Variants in DLGAP2 observed in about 807,000 individuals in gnomAD.
DLGAP2 encodes the protein disks large-associated protein 2.
DLGAP2 carries 26 observed loss-of-function variants against 100.3 expected under a neutral mutation model. That is an observed-to-expected ratio of 0.26 (90% CI 0.19 to 0.36). DLGAP2 has a LOEUF of 0.36. DLGAP2 is among the 10% of genes least tolerant of loss of function. The pLI, the probability that DLGAP2 is intolerant of heterozygous loss-of-function variation, is 1.00. For synonymous variants in DLGAP2, 886 were observed against 630.1 expected (o/e 1.41, Z -6.08); for missense variants, 1,858 against 1,453.2 (o/e 1.28, Z -4.53).
chr8:1,267,629 T>A lies in DLGAP2; in HGVS notation c.106+8746T>A, dbSNP rs55732464. 3.8e-3 allele frequency among the ~76,000 whole-genome samples: 65 copies of A among 17,280 alleles called. 9 individuals carry two copies. The highest frequency in any genetic ancestry group is 0.023 in the African/African-American group (60 of 2,608). The allele number at this position is 17,280 out of a possible 152,430, so 11.3% of individuals were successfully genotyped here. Reference sequence around the variant, plus strand: ...AAGATAAGATAAGATAAGATAAATATTAAATAGGTCTACAAAAAGGCCTCC... The same window carrying A: ...AAGATAAGATAAGATAAGATAAATAATAAATAGGTCTACAAAAAGGCCTCC... On this transcript the variant is annotated intron_variant, in intron 3 of 14. Transcript: ENST00000637795.
At chr8:1,494,204 C>G (rs180760393) in intron 3 of DLGAP2, among the ~76,000 whole-genome samples, 105 of 152,346 alleles carry the variant, frequency 6.9e-4, no homozygotes, top group Admixed American at 3.7e-3. Flanking sequence ...GAAATCCAGT[C>G]TTTTCTTATG....
chr8:1,533,734 A>C (rs1324540243), intron 4 of DLGAP2, among the ~76,000 whole-genome samples: 1 of 152,194 alleles, frequency 6.6e-6, no homozygotes, highest in East Asian at 1.9e-4. Flanking sequence ...GAAGGTCATC[A>C]ATAGTACCTT....
chr8:1,257,376 C>A (rs1400289763), intron 2 of DLGAP2, among the ~76,000 whole-genome samples: 2 of 152,018 alleles, frequency 1.3e-5, no homozygotes, highest in Non-Finnish European at 1.5e-5. Context: ...CCTCAACTCC[C>A]TTTTTAATGT....
At chr8:800,309 T>G (rs778723390) in intron 1 of DLGAP2, among the ~76,000 whole-genome samples, 5 of 152,226 alleles carry the variant, frequency 3.3e-5, no homozygotes, top group Non-Finnish European at 5.9e-5. Context: ...AGAGGGCAAA[T>G]GCTGGAGAGG....
At chr8:765,792 G>GACACACACACACGCGATGAT (rs1554558138) in intron 1 of DLGAP2, among the ~76,000 whole-genome samples, 1 of 151,918 alleles carries the variant, frequency 6.6e-6, no homozygotes, top group Non-Finnish European at 1.5e-5. Flanking sequence ...CATGTACACA[G>GACACACACACACGCGATGAT]ACACACACAC....
At chr8:1,682,662 T>C (rs1297440952) in intron 12 of DLGAP2, among the ~76,000 whole-genome samples, 5 of 151,336 alleles carry the variant, frequency 3.3e-5, no homozygotes, top group Admixed American at 1.3e-4. Flanking sequence ...TTAGTAGAGA[T>C]GGAGTTTCAC....
chr8:1,177,799 G>C (rs1485937632), intron 2 of DLGAP2, among the ~76,000 whole-genome samples: 2 of 152,210 alleles, frequency 1.3e-5, no homozygotes, highest in Non-Finnish European at 1.5e-5. Context: ...CAGGGTACAA[G>C]GGGTGAGGGA....
intron 3 of DLGAP2, among the ~76,000 whole-genome samples, chr8:1,293,612 A>T (rs905538593): frequency 4.6e-5 from 7 of 152,156 alleles, no homozygotes; most frequent in Non-Finnish European, 7.3e-5. Context: ...AGCCTCAGCC[A>T]TTAACCTCCA....
intron 8 of DLGAP2, among the ~76,000 whole-genome samples, chr8:1,637,878 C>G (rs1797805300): frequency 6.6e-6 from 1 of 152,178 alleles, no homozygotes; most frequent in African/African-American, 2.4e-5. Context: ...AAAGCCAGCA[C>G]TGCAGCAGCG....
chr8:1,526,375 G>T (rs1800793086), intron 4 of DLGAP2, among the ~76,000 whole-genome samples: 1 of 151,998 alleles, frequency 6.6e-6, no homozygotes, highest in Admixed American at 6.6e-5. Flanking sequence ...AGGAATTGGG[G>T]GCTCAGAGGG....
At position 1,088,277 on chromosome 8, in the gene DLGAP2, T is replaced by C. The variant is rs1418382811; in HGVS notation, c.74-170574T>C. ...TCATTAATGGACTTTAGAGCTACCA[T>C]GAAGAGTTGTTCCATATCCGTCTGT... On this transcript the variant is annotated intron_variant, in intron 2 of 14. Coordinates refer to ENST00000637795, the MANE Select transcript of DLGAP2 (RefSeq NM_001346810.2). 4.6e-5 allele frequency among the ~76,000 whole-genome samples: 7 copies of C among 152,140 alleles called. No individual in the cohort carries two copies. In the East Asian group the frequency reaches 7.7e-4, roughly 17 times the overall value.
intron 2 of DLGAP2, among the ~76,000 whole-genome samples, chr8:1,179,399 T>C (rs1457179402): frequency 6.6e-6 from 1 of 152,244 alleles, no homozygotes; most frequent in Non-Finnish European, 1.5e-5. Flanking sequence ...GTGCAGTCGA[T>C]GGACACTTGT....
chr8:1,474,494 C>A (rs1563170700), intron 3 of DLGAP2, among the ~76,000 whole-genome samples: 1 of 152,182 alleles, frequency 6.6e-6, no homozygotes. Context: ...ACATTCCCAC[C>A]AGCAGTGCAG....
At chr8:1,328,214 A>G (rs911824269) in intron 3 of DLGAP2, among the ~76,000 whole-genome samples, 1 of 150,064 alleles carries the variant, frequency 6.7e-6, no homozygotes, top group Non-Finnish European at 1.5e-5. Context: ...TAATTTTTTT[A>G]TTTTTTTAGT....
At chr8:1,306,794 A>T (rs1167437017) in intron 3 of DLGAP2, among the ~76,000 whole-genome samples, 1 of 152,194 alleles carries the variant, frequency 6.6e-6, no homozygotes, top group East Asian at 1.9e-4. Context: ...CATTCAATGG[A>T]GAAGGAACAG....
intron 1 of DLGAP2, among the ~76,000 whole-genome samples, chr8:813,096 C>G (rs1796401015): frequency 1.3e-5 from 2 of 152,078 alleles, no homozygotes; most frequent in South Asian, 2.1e-4. Flanking sequence ...AGAAGACTTT[C>G]TAAATTATAT....
chr8:807,903 G>A (rs1299523660), intron 1 of DLGAP2, among the ~76,000 whole-genome samples: 4 of 152,226 alleles, frequency 2.6e-5, no homozygotes, highest in Non-Finnish European at 5.9e-5. Flanking sequence ...GAACATAAAG[G>A]GGAGAAGGTT....
chr8:1,504,230 G>C (rs114258019), intron 4 of DLGAP2, among the ~76,000 whole-genome samples: 3 of 151,742 alleles, frequency 2.0e-5, no homozygotes, highest in Admixed American at 6.6e-5. Flanking sequence ...TGGAAGAAAC[G>C]CTTCTTGTTT....
At chr8:1,114,161 T>G (rs1259775603) in intron 2 of DLGAP2, among the ~76,000 whole-genome samples, 1 of 152,210 alleles carries the variant, frequency 6.6e-6, no homozygotes, top group Non-Finnish European at 1.5e-5. Flanking sequence ...GAAGTTTTCT[T>G]TTTTTGTTGT....
Sources: gnomAD v4.1 joint callset for allele counts (sites outside exome capture counted in the v4.1 genomes callset) on GRCh38, gnomAD v4.1.1 for gene constraint, MANE v1.5 for transcripts, NCBI Gene and HGNC (gene_info 2026-07-23, HGNC 2026-07-21) for gene names.